The following CYTH3 variants were observed in gnomAD, a reference collection of about 807,000 sequenced individuals.
CYTH3 encodes the protein cytohesin-3.
CYTH3 carries 23 observed loss-of-function variants against 55.1 expected under a neutral mutation model. That is an observed-to-expected ratio of 0.42 (90% CI 0.30 to 0.59). The LOEUF is 0.59. Ranked by LOEUF, CYTH3 falls within the 20% of genes least tolerant of loss-of-function variation. The pLI is 0.20. For missense variants in CYTH3, 413 were observed against 524.8 expected (o/e 0.79, Z 2.08); for synonymous variants, 249 against 194.9 (o/e 1.28, Z -2.31).
intron 4 of CYTH3, among the ~76,000 whole-genome samples, chr7:6,179,028 G>T (rs980213738): frequency 6.6e-6 from 1 of 152,226 alleles, no homozygotes; most frequent in African/African-American, 2.4e-5. Flanking sequence ...AAGACTCTCA[G>T]TACCCAAGAC....
intron 1 of CYTH3, among the ~76,000 whole-genome samples, chr7:6,222,299 G>A (rs76638350): frequency 0.023 from 3,468 of 152,302 alleles, 135 homozygotes; most frequent in African/African-American, 0.079. Context: ...ATGAGCACCT[G>A]TCGATAATGC....
At chr7:6,193,377 C>CAAA (rs759990952) in intron 1 of CYTH3, among the ~76,000 whole-genome samples, 1,163 of 63,142 alleles carry the variant, frequency 0.018, 23 homozygotes, top group African/African-American at 0.059. Context: ...ACTCCCGTCT[C>CAAA]AAAAAAAAAA....
At chr7:6,265,555 G>A (rs1051304943) in intron 1 of CYTH3, among the ~76,000 whole-genome samples, 4 of 150,870 alleles carry the variant, frequency 2.7e-5, no homozygotes, top group Non-Finnish European at 5.9e-5. Flanking sequence ...GGAAGCGGAT[G>A]TTGCAGTGAG....
chr7:6,175,545 C>CTTTTTTTT lies in CYTH3; in HGVS notation c.369-1820_369-1813dup, dbSNP rs1177188782. On this transcript the variant is annotated intron_variant, in intron 5 of 12. Transcript: ENST00000350796. ...CAATGTCTTGACTATACACTTTAGT[C>CTTTTTTTT]TTTTTTTTTTTTTTTTTTTTTTGAG... 6.1e-4 allele frequency among the ~76,000 whole-genome samples: 54 copies of CTTTTTTTT among 89,008 alleles called. 2 individuals are homozygous for CTTTTTTTT. The highest frequency in any genetic ancestry group is 1.7e-3 in the East Asian group (4 of 2,360). 58.4% of individuals were successfully genotyped at this position (89,008 alleles called of 152,430 possible).
chr7:6,191,839 G>A (rs1335274313), intron 1 of CYTH3, among the ~76,000 whole-genome samples: 1 of 148,266 alleles, frequency 6.7e-6, no homozygotes, highest in Non-Finnish European at 1.5e-5. Flanking sequence ...CACTTTGGGA[G>A]GCCAAGGTGG....
rs564536340 is a variant in CYTH3 at position 6,162,386 on chromosome 7, G to C, written c.*2558C>G. ...GAAAAAAGTATCTTTGGCCAGAGTTGGGACTAACAATTCAAGCCCTGCGCT... is the reference window on the plus strand; with the variant it reads ...GAAAAAAGTATCTTTGGCCAGAGTTCGGACTAACAATTCAAGCCCTGCGCT... On this transcript the variant is annotated 3_prime_UTR_variant, in exon 13 of 13. Coordinates refer to ENST00000350796, the MANE Select transcript of CYTH3 (RefSeq NM_004227.4). The C allele has an allele frequency of 1.3e-5, 2 of 152,420 alleles. No individual in the cohort carries two copies. The highest frequency in any genetic ancestry group is 4.1e-4 in the South Asian group (2 of 4,832). The allele number at this position is 152,420 out of a possible 1,614,324, so 9.4% of individuals were successfully genotyped here.
rs925538702 is a variant in CYTH3 at position 6,171,610 on chromosome 7, T to A, written c.450-296A>T. Reference sequence around the variant, plus strand: ...TATCCAGGATCCTGGCACTTCTCTGTCCCCATTGCCACCATCTCCTGCTGC... The same window carrying A: ...TATCCAGGATCCTGGCACTTCTCTGACCCCATTGCCACCATCTCCTGCTGC... On this transcript the variant is annotated intron_variant, in intron 6 of 12. Transcript: ENST00000350796. This position sits in a 1 kb window ranked among gnomAD's most constrained non-coding sequence, Gnocchi z 6.7. 5 of 332,458 alleles carry A rather than the reference T, an allele frequency of 1.5e-5. No individual in the cohort carries two copies. Among genetic ancestry groups the A allele is most frequent in the Middle Eastern group, 1.0e-3 (1 of 974 alleles). 20.6% of individuals were successfully genotyped at this position (332,458 alleles called of 1,614,324 possible). A position where few individuals can be genotyped will look rare whatever the true frequency, so the allele number is the denominator to read the frequency against.
At chr7:6,186,839 G>C (rs553727403) in intron 4 of CYTH3, among the ~76,000 whole-genome samples, 87 of 152,270 alleles carry the variant, frequency 5.7e-4, no homozygotes, top group Non-Finnish European at 1.1e-3. Flanking sequence ...CTGAAAGAAA[G>C]GCCTTTCTGC....
chr7:6,230,081 C>T (rs1415464437), intron 1 of CYTH3, among the ~76,000 whole-genome samples: 1 of 146,980 alleles, frequency 6.8e-6, no homozygotes, highest in Non-Finnish European at 1.5e-5. Context: ...TTGCAATAAG[C>T]CAGAGATTAT....
chr7:6,180,074 G>A (rs565274945), intron 4 of CYTH3, among the ~76,000 whole-genome samples: 16 of 152,336 alleles, frequency 1.1e-4, no homozygotes, highest in Admixed American at 2.0e-4. Flanking sequence ...AAGTGAGGCC[G>A]GTGGAGAAGC....
intron 1 of CYTH3, among the ~76,000 whole-genome samples, chr7:6,269,934 AC>A (rs1780608820): frequency 3.3e-5 from 5 of 152,204 alleles, no homozygotes; most frequent in Admixed American, 3.3e-4. Flanking sequence ...TAGATTATTT[AC>A]CCTATCTTTT....
intron 1 of CYTH3, among the ~76,000 whole-genome samples, chr7:6,208,876 C>A (rs780340797): frequency 5.3e-5 from 8 of 152,196 alleles, no homozygotes; most frequent in Non-Finnish European, 1.2e-4. Flanking sequence ...TAAAGATCTT[C>A]TCCATCAGAA....
intron 1 of CYTH3, among the ~76,000 whole-genome samples, chr7:6,243,116 C>CAA (rs1185033508): frequency 6.6e-6 from 1 of 152,166 alleles, no homozygotes; most frequent in Non-Finnish European, 1.5e-5. Context: ...ATTTCTTCCC[C>CAA]AAAACTTGTC....
intron 1 of CYTH3, among the ~76,000 whole-genome samples, chr7:6,194,454 T>TAAACAAAAACAAA (rs1270721757): frequency 6.6e-6 from 1 of 151,934 alleles, no homozygotes; most frequent in Non-Finnish European, 1.5e-5. Context: ...TCTTTAAAAA[T>TAAACAAAAACAAA]AAACAAAAAC....
At chr7:6,174,276 G>A (rs1312213212) in intron 5 of CYTH3, among the ~76,000 whole-genome samples, 6 of 151,834 alleles carry the variant, frequency 4.0e-5, no homozygotes, top group African/African-American at 9.7e-5. Flanking sequence ...CACCATGCCC[G>A]GCTAACTTTT....
At chr7:6,272,323 G>T (rs1780685366) in intron 1 of CYTH3, 151 bp downstream of exon 1, 2 of 433,262 alleles carry the variant, frequency 4.6e-6, no homozygotes, top group Admixed American at 1.3e-4. Context: ...GCCCTGGCCC[G>T]GCGTGCCTCA....
At chr7:6,219,003 CAAAAAAAAAAAA>C (rs35386425) in intron 1 of CYTH3, among the ~76,000 whole-genome samples, 3 of 74,302 alleles carry the variant, frequency 4.0e-5, no homozygotes, top group African/African-American at 5.2e-5. Flanking sequence ...GACTCCGTCT[CAAAAAAAAAAAA>C]AAAAAAAAAA....
intron 5 of CYTH3, among the ~76,000 whole-genome samples, chr7:6,174,229 C>T (rs985633451): frequency 1.3e-5 from 2 of 152,260 alleles, no homozygotes; most frequent in Non-Finnish European, 1.5e-5. Context: ...ACTCTCCTGC[C>T]TCAGCCTCCT....
chr7:6,181,875 A>C (rs1212899881), intron 4 of CYTH3, among the ~76,000 whole-genome samples: 1 of 152,146 alleles, frequency 6.6e-6, no homozygotes, highest in Non-Finnish European at 1.5e-5. Flanking sequence ...TCAAGTGATG[A>C]TGTGACACAC....
Sources: gnomAD v4.1 joint callset for allele counts (sites outside exome capture counted in the v4.1 genomes callset) on GRCh38, gnomAD v4.1.1 for gene constraint, Gnocchi (gnomAD v3.1) non-coding constraint, MANE v1.5 for transcripts, NCBI Gene and HGNC (gene_info 2026-07-23, HGNC 2026-07-21) for gene names.